Variants in PSMC3 observed in about 807,000 individuals in gnomAD.
PSMC3 encodes 26S proteasome regulatory subunit 6A.
PSMC3 carries 11 observed loss-of-function variants against 52.0 expected under a neutral mutation model. The observed-to-expected ratio is 0.21, with a 90% CI of 0.13 to 0.35. The LOEUF (loss-of-function observed/expected upper bound fraction) is 0.35, where lower values mean the gene tolerates loss of function less well. Ranked by LOEUF, PSMC3 falls within the 10% of genes least tolerant of loss-of-function variation. The probability of loss-of-function intolerance (pLI) is 1.00; values close to 1 mark genes in which losing one functional copy is unlikely to be tolerated. For missense variants in PSMC3, 238 were observed against 567.1 expected (o/e 0.42, Z 5.89); for synonymous variants, 201 against 218.8 (o/e 0.92, Z 0.72).
chr11:47,419,808 G>A lies in PSMC3; in HGVS notation c.1127+456C>T, dbSNP rs968733265. Among the ~76,000 whole-genome samples, 11 of 151,670 alleles carry A rather than the reference G, an allele frequency of 7.3e-5. No individual in the cohort carries two copies. The South Asian group carries it at 8.3e-4, about 11-fold the overall frequency. On this transcript the variant is annotated intron_variant, in intron 10 of 11. Transcript: ENST00000298852. Reference sequence around the variant, plus strand: ...CAGGAGGCGGAGCTTGCAGTGAGCCGAGATCGCGCCACTGTACTCCAGCCT... The same window carrying A: ...CAGGAGGCGGAGCTTGCAGTGAGCCAAGATCGCGCCACTGTACTCCAGCCT...
rs773742401 is a variant in PSMC3, at chr11:47,425,166, G to T, written c.240C>A (p.Ile80=). The part of the protein sequence containing the change: ...KDKIKENSEK[I]KVNKTLPYLV... ...GGTACGGCAGGGTCTTGTTCACTTTGATTTTCTCACTGTTCTCTTTTATCT... is the reference window on the plus strand; with the variant it reads ...GGTACGGCAGGGTCTTGTTCACTTTTATTTTCTCACTGTTCTCTTTTATCT... The change falls in exon 3 of 12, where the codon ATC becomes ATA. Residue 80 remains isoleucine, a synonymous_variant. Transcript: ENST00000298852. 1 of 1,614,120 alleles carries T rather than the reference G, an allele frequency of 6.2e-7. No individual in the cohort carries two copies. Among genetic ancestry groups the T allele is most frequent in the Non-Finnish European group, 8.5e-7 (1 of 1,180,036 alleles).
rs2096038968 is a variant in PSMC3, at chr11:47,420,352, G to A, written c.1039C>T (p.Arg347Cys). Residue 347 changes from arginine to cysteine, a missense_variant, in exon 10 of 12, where the codon CGC becomes TGC. Transcript: ENST00000298852. ...GGGAACTCTATCTTGCGGTCAAGGC[G>A]GCCCGAGCGGAGGAGGGCGGGGTCC... The part of the protein sequence containing the change: ...ILDPALLRSG[R>C]LDRKIEFPMP... 1 of 1,614,194 alleles carries A rather than the reference G, an allele frequency of 6.2e-7. No homozygotes were observed. The highest frequency in any genetic ancestry group is 8.5e-7 in the Non-Finnish European group (1 of 1,180,044).
chr11:47,420,452 C>T (rs1382275545), intron 9 of PSMC3, 43 bp from the exon 10 acceptor site: 2 of 1,590,616 alleles, frequency 1.3e-6, no homozygotes, highest in Non-Finnish European at 1.7e-6. Flanking sequence ...AAGGTGTTCA[C>T]AGATGGGCAG....
chr11:47,424,387 T>C lies in PSMC3; in HGVS notation c.453+42A>G, dbSNP rs540576282. 2.3e-5 allele frequency: 37 copies of C among 1,604,664 alleles called. No homozygotes were observed. Among genetic ancestry groups the C allele is most frequent in the East Asian group, 2.0e-4 (9 of 44,836 alleles). On this transcript the variant is annotated intron_variant, in intron 5 of 11. Transcript: ENST00000298852. The surrounding 1 kb of genome is among the most constrained non-coding windows in gnomAD (Gnocchi z 4.8). ...CCTGGGGCGGGTACAGGGGCTCAGC[T>C]AGTCACCAGAAAAGCACTGCCTGGG...
intron 6 of PSMC3, among the ~76,000 whole-genome samples, chr11:47,423,215 C>T (rs1490616755): frequency 2.0e-5 from 3 of 151,954 alleles, no homozygotes; most frequent in African/African-American, 2.4e-5. Context: ...CTGGCTAACA[C>T]GGTGAAACTC....
At chr11:47,421,306 T>A (rs913629880) in intron 8 of PSMC3, among the ~76,000 whole-genome samples, 5 of 144,624 alleles carry the variant, frequency 3.5e-5, no homozygotes, top group Non-Finnish European at 4.5e-5. Context: ...GGCTGTTAAC[T>A]GTGATGAATG....
rs919475036 is a variant in PSMC3 at position 47,426,403 on chromosome 11, C to A, written c.-124G>T. ...CTCCCCACAAATCCCGACTCTTGAC[C>A]CGACCAGCTCCGGCCGTGCTGCGGA... On this transcript the variant is annotated 5_prime_UTR_variant, in exon 1 of 12. Coordinates refer to ENST00000298852, the MANE Select transcript of PSMC3 (RefSeq NM_002804.5). 70 of 844,388 alleles carry A rather than the reference C, an allele frequency of 8.3e-5. 1 individual carries two copies. The highest frequency in any genetic ancestry group is 3.6e-4 in the Middle Eastern group (1 of 2,796). The allele number at this position is 844,388 out of a possible 1,614,324, so 52.3% of individuals were successfully genotyped here. A position where few individuals can be genotyped will look rare whatever the true frequency, so the allele number is the denominator to read the frequency against.
Position 47,426,247 on chromosome 11 carries a change from C to G in PSMC3, c.33G>C (p.Val11=), listed in dbSNP as rs1457835901. The G allele has an allele frequency of 1.9e-6, 3 of 1,559,042 alleles. No individual in the cohort carries two copies. Among genetic ancestry groups the G allele is most frequent in the Non-Finnish European group, 2.6e-6 (3 of 1,151,628 alleles). Residue 11 remains valine, a synonymous_variant, in exon 1 of 12, where the codon GTG becomes GTC. Coordinates refer to ENST00000298852, the MANE Select transcript of PSMC3 (RefSeq NM_002804.5). Reference sequence around the variant, plus strand: ...CGGTCGCCATCTTCTCCTGCCGAGTCACTGGACTCTCAATATTCGGCAGCA... The same window carrying G: ...CGGTCGCCATCTTCTCCTGCCGAGTGACTGGACTCTCAATATTCGGCAGCA... MNLLPNIESP[V]TRQEKMATVW...
chr11:47,422,048 CT>C lies in PSMC3; in HGVS notation c.884+525del, dbSNP rs1198419192. The stretch of plus-strand genomic sequence containing the variant: ...GCTTTGGCTTTTTTTGTTTTGTTTT[CT>C]TTTTTTTTTTTTGAGACAGAGTCTC... On this transcript the variant is annotated intron_variant, in intron 8 of 11. Transcript: ENST00000298852. The surrounding 1 kb of genome is among the most constrained non-coding windows in gnomAD (Gnocchi z 4.3). 1.1e-3 allele frequency among the ~76,000 whole-genome samples: 158 copies of C among 141,360 alleles called. No individual in the cohort carries two copies. The highest frequency in any genetic ancestry group is 1.1e-3 in the Admixed American group (15 of 14,052). 92.7% of individuals were successfully genotyped at this position (141,360 alleles called of 152,430 possible). A position where few individuals can be genotyped will look rare whatever the true frequency, so the allele number is the denominator to read the frequency against.
chr11:47,420,592 T>C, intron 9 of PSMC3, 39 bp downstream of exon 9: 2 of 1,533,498 alleles, frequency 1.3e-6, no homozygotes, highest in Non-Finnish European at 1.8e-6. Context: ...TCCTGACCTC[T>C]GAGCCTCATC....
chr11:47,423,071 T>G, intron 6 of PSMC3, 98 bp from the exon 7 acceptor site: 1 of 1,253,406 alleles, frequency 8.0e-7, no homozygotes, highest in Non-Finnish European at 1.1e-6. Flanking sequence ...CCTCCTACTC[T>G]AACTCAGGGA....
rs764599880 is a variant in PSMC3, at chr11:47,418,956, GACAA to G, written c.1210-15_1210-12del. 33 of 1,613,638 alleles carry G rather than the reference GACAA, an allele frequency of 2.0e-5. 1 individual carries two copies. The highest frequency in any genetic ancestry group is 9.9e-5 in the South Asian group (9 of 91,054). On this transcript the variant is annotated splice_polypyrimidine_tract_variant and intron_variant, in intron 11 of 11. Transcript: ENST00000298852. Reference sequence around the variant, plus strand: ...CAGTGCGATCATGCCCTACAGCCGGGACAAACAGAGTCTAGGTCTGAACGCCTGA... The same window carrying G: ...CAGTGCGATCATGCCCTACAGCCGGGACAGAGTCTAGGTCTGAACGCCTGA...
Position 47,422,497 on chromosome 11 carries a change from A to C in PSMC3, c.884+77T>G. 6.4e-7 allele frequency: 1 copy of C among 1,561,904 alleles called. No individual in the cohort carries two copies. Among genetic ancestry groups the C allele is most frequent in the Non-Finnish European group, 8.7e-7 (1 of 1,145,942 alleles). ...GGGATACAGGGTGGGAAGGAACCAC[A>C]ATTTAGCACAACTGAGAGTCAACCC... On this transcript the variant is annotated intron_variant, in intron 8 of 11. Transcript: ENST00000298852. This position sits in a 1 kb window ranked among gnomAD's most constrained non-coding sequence, Gnocchi z 4.3.
In PSMC3 at chr11:47,424,255, T is replaced by C. The variant is rs1595892617; in HGVS notation, c.454-72A>G. 3.7e-6 allele frequency: 6 copies of C among 1,604,464 alleles called. No individual in the cohort carries two copies. The East Asian group carries it at 1.3e-4, about 36-fold the overall frequency. ...TACCCAACTGACTGGGTGACAGGTG[T>C]CTGCAGAGGGAAAGACACAGGACTG... is the stretch of plus-strand genomic sequence containing the variant. On this transcript the variant is annotated intron_variant, in intron 5 of 11. Coordinates refer to ENST00000298852, the MANE Select transcript of PSMC3 (RefSeq NM_002804.5). The surrounding 1 kb of genome is among the most constrained non-coding windows in gnomAD (Gnocchi z 4.8).
Position 47,418,820 on chromosome 11 carries a change from G to A in PSMC3, c.*15C>T, listed in dbSNP as rs749980387. 236 of 1,603,082 alleles carry A rather than the reference G, an allele frequency of 1.5e-4. 1 individual carries two copies. Among genetic ancestry groups the A allele is most frequent in the Non-Finnish European group, 1.9e-4 (220 of 1,170,168 alleles). On this transcript the variant is annotated 3_prime_UTR_variant, in exon 12 of 12. Transcript: ENST00000298852. ...TGCGCACTTCAGCCGTGAGACTGGG[G>A]CTGGCCTGTGTGCCCTAGGCGTAGT... is the stretch of plus-strand genomic sequence containing the variant.
Position 47,422,820 on chromosome 11 carries a change from A to C in PSMC3, c.735+10T>G, listed in dbSNP as rs1565676021. ...GCCCACTTCCCCCGCATCCCTCCCA[A>C]AGTACTCACCTTAGTCTGTGCGGCA... On this transcript the variant is annotated intron_variant, in intron 7 of 11. Coordinates refer to ENST00000298852, the MANE Select transcript of PSMC3 (RefSeq NM_002804.5). The surrounding 1 kb of genome is among the most constrained non-coding windows in gnomAD (Gnocchi z 4.3). The C allele has an allele frequency of 1.2e-6, 2 of 1,603,762 alleles. No individual in the cohort carries two copies. Among genetic ancestry groups the C allele is most frequent in the Admixed American group, 3.4e-5 (2 of 59,496 alleles).
Position 47,422,171 on chromosome 11 carries a change from C to G in PSMC3, c.884+403G>C, listed in dbSNP as rs1255388226. Among the ~76,000 whole-genome samples, 3 of 151,938 alleles carry G rather than the reference C, an allele frequency of 2.0e-5. No individual in the cohort carries two copies. Among genetic ancestry groups the G allele is most frequent in the Admixed American group, 6.6e-5 (1 of 15,248 alleles). ...GATTCTTGTGCCTCAGCCTCCCAGG[C>G]ATCTGGGACTACAGGCGCCTGCTAC... On this transcript the variant is annotated intron_variant, in intron 8 of 11. Coordinates refer to ENST00000298852, the MANE Select transcript of PSMC3 (RefSeq NM_002804.5). The surrounding 1 kb of genome is among the most constrained non-coding windows in gnomAD (Gnocchi z 4.3).
At chr11:47,421,513 A>G (rs2096040443) in intron 8 of PSMC3, among the ~76,000 whole-genome samples, 1 of 152,132 alleles carries the variant, frequency 6.6e-6, no homozygotes, top group African/African-American at 2.4e-5. Flanking sequence ...AAACGCAGGA[A>G]GCACCGTGGC....
At position 47,424,727 on chromosome 11, in the gene PSMC3, T is replaced by C; in HGVS notation, c.286-16A>G. 1 of 1,588,866 alleles carries C rather than the reference T, an allele frequency of 6.3e-7. No homozygotes were observed. Among genetic ancestry groups the C allele is most frequent in the East Asian group, 2.2e-5 (1 of 44,756 alleles). ...CATCCAGGAGCTGGGAAGGAAAAAA[T>C]ACTCAGCTCCTTGAACTCCCCAAGG... On this transcript the variant is annotated splice_polypyrimidine_tract_variant and intron_variant, in intron 3 of 11. Coordinates refer to ENST00000298852, the MANE Select transcript of PSMC3 (RefSeq NM_002804.5). This position sits in a 1 kb window ranked among gnomAD's most constrained non-coding sequence, Gnocchi z 4.8.
Sources: gnomAD v4.1 joint callset for allele counts (sites outside exome capture counted in the v4.1 genomes callset) on GRCh38, gnomAD v4.1.1 for gene constraint, Gnocchi (gnomAD v3.1) non-coding constraint, MANE v1.5 for transcripts, NCBI Gene and HGNC (gene_info 2026-07-23, HGNC 2026-07-21) for gene names.